Variants in PARP8 observed in about 807,000 individuals in gnomAD.
PARP8 encodes the protein protein mono-ADP-ribosyltransferase PARP8.
PARP8 carries 51 observed loss-of-function variants against 124.1 expected under a neutral mutation model. That is an observed-to-expected ratio of 0.41 (90% CI 0.33 to 0.52). The LOEUF (loss-of-function observed/expected upper bound fraction) is 0.52. Ranked by LOEUF, PARP8 falls within the 20% of genes least tolerant of loss-of-function variation. The pLI is 0.21. For missense variants in PARP8, 860 were observed against 1,018.9 expected, an observed-to-expected ratio of 0.84 and a Z score of 2.12; for synonymous variants, 391 against 361.5, an observed-to-expected ratio of 1.08 and a Z score of -0.93.
intron 15 of PARP8, among the ~76,000 whole-genome samples, chr5:50,818,474 C>T (rs1207655670): frequency 6.6e-6 from 1 of 152,198 alleles, no homozygotes; most frequent in Non-Finnish European, 1.5e-5. Context: ...AAGGGATCCT[C>T]CCGCCTCAGC....
chr5:50,708,125 T>A (rs76688336), intron 2 of PARP8, among the ~76,000 whole-genome samples: 6,580 of 152,216 alleles, frequency 0.043, 449 homozygotes, highest in African/African-American at 0.15. Context: ...GTTTTTTCCC[T>A]AATAATTTAA....
chr5:50,833,121 C>T (rs1162121839), intron 23 of PARP8, among the ~76,000 whole-genome samples: 3 of 152,058 alleles, frequency 2.0e-5, no homozygotes, highest in African/African-American at 4.8e-5. Flanking sequence ...ACACATATTC[C>T]GTCTCTTGGA....
chr5:50,669,015 G>A (rs1474269645), intron 2 of PARP8: 2 of 152,202 alleles, frequency 1.3e-5, no homozygotes, highest in African/African-American at 2.4e-5. Context: ...CATATAAATT[G>A]CAAAAGAAGC....
chr5:50,673,750 G>A (rs1750306792), intron 2 of PARP8, among the ~76,000 whole-genome samples: 1 of 152,182 alleles, frequency 6.6e-6, no homozygotes, highest in Admixed American at 6.5e-5. Flanking sequence ...TGAGCCCAGT[G>A]CTAACCATAA....
chr5:50,740,792 A>G (rs548023084), intron 2 of PARP8, among the ~76,000 whole-genome samples: 1 of 151,188 alleles, frequency 6.6e-6, no homozygotes, highest in Non-Finnish European at 1.5e-5. Context: ...CAGCCTGGGC[A>G]ATAGAGTGAG....
intron 15 of PARP8, among the ~76,000 whole-genome samples, chr5:50,815,927 C>G (rs1440625367): frequency 6.6e-6 from 1 of 151,862 alleles, no homozygotes; most frequent in Non-Finnish European, 1.5e-5. Context: ...AAAAAGAGAA[C>G]ATTCAGTTTT....
At chr5:50,819,214 A>G (rs1310386335) in intron 15 of PARP8, among the ~76,000 whole-genome samples, 6 of 152,164 alleles carry the variant, frequency 3.9e-5, no homozygotes. Context: ...GACATATATT[A>G]ACAGAAATAT....
chr5:50,841,556 T>C (rs1748181053), intron 25 of PARP8, among the ~76,000 whole-genome samples: 1 of 151,838 alleles, frequency 6.6e-6, no homozygotes, highest in South Asian at 2.1e-4. Flanking sequence ...TGAAGTGTCT[T>C]CAGTCAGAAA....
At chr5:50,670,944 G>A (rs1749940182) in intron 2 of PARP8, among the ~76,000 whole-genome samples, 1 of 152,074 alleles carries the variant, frequency 6.6e-6, no homozygotes, top group Non-Finnish European at 1.5e-5. Flanking sequence ...CTATATATAC[G>A]GTAAGATTAA....
At chr5:50,668,364 G>A (rs1749608979) in intron 2 of PARP8, 1 of 548,102 alleles carries the variant, frequency 1.8e-6, no homozygotes, top group African/African-American at 1.9e-5. Context: ...TCTTCATGTT[G>A]AAACTGTTCT....
chr5:50,813,522 A>G (rs1580430230), intron 14 of PARP8, among the ~76,000 whole-genome samples: 1 of 152,146 alleles, frequency 6.6e-6, no homozygotes, highest in East Asian at 1.9e-4. Context: ...TAAATATACA[A>G]CCATGTCATC....
At chr5:50,714,390 A>G (rs1301300268) in intron 2 of PARP8, among the ~76,000 whole-genome samples, 13 of 151,958 alleles carry the variant, frequency 8.6e-5, no homozygotes, top group Non-Finnish European at 1.6e-4. Flanking sequence ...CTATTTTTTA[A>G]ACCATTTATT....
intron 7 of PARP8, among the ~76,000 whole-genome samples, chr5:50,767,456 C>T (rs554327465): frequency 1.3e-5 from 2 of 152,214 alleles, no homozygotes; most frequent in African/African-American, 2.4e-5. Flanking sequence ...TCCCAAACCA[C>T]GGGGACATAA....
rs532448916 is a variant in PARP8, at chr5:50,770,531, AAG to A, written c.518+7295_518+7296del. 4.1e-3 allele frequency among the ~76,000 whole-genome samples: 630 copies of A among 152,020 alleles called. 5 individuals carry two copies. Among genetic ancestry groups the A allele is most frequent in the Non-Finnish European group, 7.2e-3 (492 of 67,932 alleles). On this transcript the variant is annotated intron_variant, in intron 7 of 25. Coordinates refer to ENST00000281631, the MANE Select transcript of PARP8 (RefSeq NM_024615.4). ...CTTTTTAAAAGGGTTGGAGAAAGAA[AAG>A]AGAGAAAGAGAGAGAGAGAGCAAGA...
chr5:50,833,879 C>G, intron 23 of PARP8, 100 bp from the exon 24 acceptor site: 1 of 801,794 alleles, frequency 1.2e-6, no homozygotes, highest in Non-Finnish European at 2.0e-6. Flanking sequence ...TTTTTTTTGA[C>G]CTGGAGCCAT....
rs1462174384 is a variant in PARP8 at position 50,846,000 on chromosome 5, G to A, written c.*3932G>A. The A allele has an allele frequency of 2.6e-5, 4 of 151,746 alleles. No individual in the cohort carries two copies. Among genetic ancestry groups the A allele is most frequent in the Non-Finnish European group, 4.4e-5 (3 of 67,804 alleles). The allele number at this position is 151,746 out of a possible 1,614,324, so 9.4% of individuals were successfully genotyped here. ...TTTTTGTAGGTCAGAAGAATTTCAA[G>A]TAGTTTTTAGACAAAACATATCCAT... On this transcript the variant is annotated 3_prime_UTR_variant, in exon 26 of 26. Coordinates refer to ENST00000281631, the MANE Select transcript of PARP8 (RefSeq NM_024615.4).
chr5:50,675,465 C>A (rs1486858937), intron 2 of PARP8, among the ~76,000 whole-genome samples: 1 of 152,096 alleles, frequency 6.6e-6, no homozygotes, highest in African/African-American at 2.4e-5. Context: ...CCACCACGGC[C>A]GGCTAATTTT....
intron 7 of PARP8, among the ~76,000 whole-genome samples, chr5:50,764,945 T>G (rs1760909742): frequency 6.6e-6 from 1 of 151,986 alleles, no homozygotes; most frequent in Non-Finnish European, 1.5e-5. Context: ...CAACATAGAC[T>G]TCAACTTCTT....
intron 2 of PARP8, among the ~76,000 whole-genome samples, chr5:50,696,604 T>G (rs1753053255): frequency 6.6e-6 from 1 of 152,198 alleles, no homozygotes; most frequent in African/African-American, 2.4e-5. Context: ...ATATCTGTCC[T>G]TTGTCCTTAC....
Sources: allele counts gnomAD v4.1 joint callset (sites outside exome capture counted in the v4.1 genomes callset), GRCh38; gene constraint gnomAD v4.1.1; transcripts MANE v1.5; gene names NCBI Gene and HGNC (gene_info 2026-07-23, HGNC 2026-07-21).